Variants in EML6 observed in about 807,000 individuals in gnomAD.
EML6 encodes echinoderm microtubule-associated protein-like 6.
In EML6, 154 loss-of-function variants were observed where a neutral mutation model predicts 240.1. The ratio of observed to expected loss-of-function variants is 0.64; its 90% confidence interval spans 0.56 to 0.73. The LOEUF (loss-of-function observed/expected upper bound fraction) is 0.73, where lower values mean the gene tolerates loss of function less well. Ranked by LOEUF, EML6 falls within the 30% of genes least tolerant of loss-of-function variation. The pLI is 0.00. For missense variants in EML6, 2,964 were observed against 2,474.6 expected (o/e 1.20, Z -4.20); for synonymous variants, 1,148 against 899.0 (o/e 1.28, Z -4.95).
chr2:54,736,971 A>C (rs1486248018), intron 2 of EML6, among the ~76,000 whole-genome samples: 3 of 152,196 alleles, frequency 2.0e-5, no homozygotes, highest in African/African-American at 7.2e-5. Context: ...AGATTGAGGG[A>C]ATGTCCAGGT....
At chr2:54,907,392 A>G (rs1256471106) in intron 24 of EML6, among the ~76,000 whole-genome samples, 1 of 152,168 alleles carries the variant, frequency 6.6e-6, no homozygotes, top group Non-Finnish European at 1.5e-5. Flanking sequence ...CTGTAATCCC[A>G]GCTACTTGGG....
At chr2:54,948,607 G>A (rs919457964) in intron 28 of EML6, among the ~76,000 whole-genome samples, 1 of 152,192 alleles carries the variant, frequency 6.6e-6, no homozygotes, top group Non-Finnish European at 1.5e-5. Context: ...TGCTCCCCCT[G>A]CTCCCAGGAG....
In EML6 at chr2:54,970,071, T is replaced by C. The variant is rs745452727; in HGVS notation, c.5853T>C (p.Ser1951=). The change falls in exon 42 of 42, where the codon AGT becomes AGC. Residue 1951 remains serine, a splice_region_variant and synonymous_variant. Transcript: ENST00000356458. ...ATGACTGTTTGATCTGCCTTTTCAG[T>C]GTATTTGTGTGGCGATGTCTGTAAA... The part of the protein sequence containing the change: ...YVVSTGGDDC[S]VFVWRCL 6 of 1,551,656 alleles carry C rather than the reference T, an allele frequency of 3.9e-6. No individual in the cohort carries two copies. Among genetic ancestry groups the C allele is most frequent in the South Asian group, 3.6e-5 (3 of 84,054 alleles).
At chr2:54,815,908 C>T (rs1467940549) in intron 3 of EML6, among the ~76,000 whole-genome samples, 2 of 152,250 alleles carry the variant, frequency 1.3e-5, no homozygotes, top group South Asian at 2.1e-4. Context: ...TTTTTAAAAC[C>T]CCTTTAATTT....
chr2:54,964,644 G>C lies in EML6; in HGVS notation c.5404G>C (p.Gly1802Arg), dbSNP rs745700356. ...HTVDFYDLTQ[G>R]TNLNRIGYCK... Reference sequence around the variant, plus strand: ...AGTTGACTTCTATGACCTCACTCAGGGCACAAATCTGAACCGCATTGGCTA... The same window carrying C: ...AGTTGACTTCTATGACCTCACTCAGCGCACAAATCTGAACCGCATTGGCTA... Residue 1802 changes from glycine to arginine, a missense_variant, in exon 38 of 42, where the codon GGC (glycine) becomes CGC (arginine). Transcript: ENST00000356458. 1.3e-5 allele frequency: 20 copies of C among 1,552,326 alleles called. No homozygotes were observed. Among genetic ancestry groups the C allele is most frequent in the Non-Finnish European group, 1.7e-5 (20 of 1,147,124 alleles).
chr2:54,787,603 C>G (rs1385354353), intron 2 of EML6, among the ~76,000 whole-genome samples: 6 of 152,146 alleles, frequency 3.9e-5, no homozygotes, highest in African/African-American at 1.4e-4. Context: ...TAAATAGTAG[C>G]TAATGTCACT....
rs948253831 is a variant in EML6 at position 54,949,065 on chromosome 2, G to C, written c.4083+105G>C. On this transcript the variant is annotated intron_variant, in intron 29 of 41. Transcript: ENST00000356458. Reference sequence around the variant, plus strand: ...AGACACAGTCAAATGAAACGGAGTAGGTCCCTTGGGCTCTCTTTTGTCCCC... The same window carrying C: ...AGACACAGTCAAATGAAACGGAGTACGTCCCTTGGGCTCTCTTTTGTCCCC... The C allele has an allele frequency of 1.1e-4, 95 of 839,746 alleles. No individual in the cohort carries two copies. In the Admixed American group the frequency reaches 1.9e-3, roughly 17 times the overall value. 52.0% of individuals were successfully genotyped at this position (839,746 alleles called of 1,614,324 possible). A position where few individuals can be genotyped will look rare whatever the true frequency, so the allele number is the denominator to read the frequency against.
chr2:54,816,795 C>G lies in EML6; in HGVS notation c.366C>G (p.Ala122=). ...ATTGTTCTTATTCTTAGCGTTTAGC[C>G]TCTGTGGGGTTGGATGCCAAAAACA... ...LAFDSDGQRL[A]SVGLDAKNTV... The change falls in exon 4 of 42, where the codon GCC becomes GCG. Residue 122 remains alanine (A), a synonymous_variant. Coordinates refer to ENST00000356458, the MANE Select transcript of EML6 (RefSeq NM_001039753.4). The G allele has an allele frequency of 6.4e-7, 1 of 1,550,596 alleles. No individual in the cohort carries two copies. Among genetic ancestry groups the G allele is most frequent in the Non-Finnish European group, 8.7e-7 (1 of 1,146,082 alleles).
chr2:54,947,376 T>C (rs1322093006), intron 28 of EML6, among the ~76,000 whole-genome samples: 1 of 152,208 alleles, frequency 6.6e-6, no homozygotes, highest in Non-Finnish European at 1.5e-5. Flanking sequence ...AGAGATGTGC[T>C]GTCTACCCAT....
intron 17 of EML6, among the ~76,000 whole-genome samples, chr2:54,888,638 C>T (rs186479068): frequency 8.8e-4 from 134 of 152,204 alleles, no homozygotes; most frequent in Non-Finnish European, 1.4e-3. Flanking sequence ...TTCTGATTGG[C>T]TTCTTTTACT....
intron 25 of EML6, among the ~76,000 whole-genome samples, chr2:54,913,972 G>A (rs1269947427): frequency 1.3e-5 from 2 of 152,154 alleles, no homozygotes; most frequent in Non-Finnish European, 1.5e-5. Flanking sequence ...GGCTACAGGT[G>A]TGCAGCTTTA....
chr2:54,934,430 T>C lies in EML6; in HGVS notation c.4004+5679T>C, dbSNP rs185941291. Among the ~76,000 whole-genome samples the C allele has an allele frequency of 2.9e-3, 443 of 152,244 alleles. 3 individuals are homozygous for C. The highest frequency in any genetic ancestry group is 9.3e-3 in the African/African-American group (388 of 41,544). On this transcript the variant is annotated intron_variant, in intron 28 of 41. Coordinates refer to ENST00000356458, the MANE Select transcript of EML6 (RefSeq NM_001039753.4). ...CTTTGCTTGAGGGAAGGTCAATTTTTAGACATCTGCCAGGAGACCCACATT... is the reference window on the plus strand; with the variant it reads ...CTTTGCTTGAGGGAAGGTCAATTTTCAGACATCTGCCAGGAGACCCACATT...
At chr2:54,898,879 T>C (rs1489720102) in intron 21 of EML6, among the ~76,000 whole-genome samples, 1 of 152,250 alleles carries the variant, frequency 6.6e-6, no homozygotes, top group Non-Finnish European at 1.5e-5. Context: ...CAAATTCATT[T>C]TCTCCCTGTT....
intron 12 of EML6, among the ~76,000 whole-genome samples, chr2:54,863,050 CTT>C (rs1253574687): frequency 1.3e-5 from 2 of 152,136 alleles, no homozygotes; most frequent in Non-Finnish European, 2.9e-5. Context: ...TGTATGTAGT[CTT>C]TTCATTTATC....
chr2:54,951,430 A>G (rs7592371), intron 30 of EML6, among the ~76,000 whole-genome samples: 96,601 of 151,888 alleles, frequency 0.64, 34,678 homozygotes, highest in Non-Finnish European at 0.81. Flanking sequence ...CTACTCAGGA[A>G]GCTGAGGCAG....
chr2:54,947,918 GA>G (rs1675769490), intron 28 of EML6, among the ~76,000 whole-genome samples: 1 of 152,196 alleles, frequency 6.6e-6, no homozygotes, highest in Non-Finnish European at 1.5e-5. Flanking sequence ...TGTTCACTTG[GA>G]AAATGCTTGT....
In EML6 at chr2:54,816,821, C is replaced by T. The variant is rs755360982; in HGVS notation, c.392C>T (p.Thr131Ile). The T allele has an allele frequency of 1.3e-6, 2 of 1,551,512 alleles. No individual in the cohort carries two copies. Among genetic ancestry groups the T allele is most frequent in the South Asian group, 2.4e-5 (2 of 84,062 alleles). Residue 131 changes from threonine to isoleucine, a missense_variant, in exon 4 of 42, where the codon ACA (threonine) becomes ATA (isoleucine). Thr to Ile is a moderately conservative substitution (Grantham distance 89, BLOSUM62 -1). Transcript: ENST00000356458. The stretch of plus-strand genomic sequence containing the variant: ...TCTGTGGGGTTGGATGCCAAAAACA[C>T]AGTCTGCATTTGGGACTGGAGGAAG... ...LASVGLDAKN[T>I]VCIWDWRKGK...
rs1314274327 is a variant in EML6, at chr2:54,954,123, G to A, written c.4453G>A (p.Glu1485Lys). Residue 1485 changes from glutamate to lysine, a missense_variant, in exon 32 of 42, where the codon GAG (glutamate) becomes AAG (lysine). Transcript: ENST00000356458. ...KLLVSVGVDP[E>K]HTITVWRWQE... Reference sequence around the variant, plus strand: ...CCTGGTGTCGGTGGGAGTGGACCCTGAGCACACCATCACTGTCTGGCGATG... The same window carrying A: ...CCTGGTGTCGGTGGGAGTGGACCCTAAGCACACCATCACTGTCTGGCGATG... 1 of 1,551,388 alleles carries A rather than the reference G, an allele frequency of 6.4e-7. No homozygotes were observed. The highest frequency in any genetic ancestry group is 1.4e-5 in the African/African-American group (1 of 72,998).
intron 28 of EML6, among the ~76,000 whole-genome samples, chr2:54,940,641 C>G (rs1382245387): frequency 3.3e-5 from 5 of 152,212 alleles, no homozygotes; most frequent in African/African-American, 9.6e-5. Context: ...AATATTTAAT[C>G]TGTCTTCAAG....
Sources: allele counts gnomAD v4.1 joint callset (sites outside exome capture counted in the v4.1 genomes callset), GRCh38; gene constraint gnomAD v4.1.1; transcripts MANE v1.5; gene names NCBI Gene and HGNC (gene_info 2026-07-23, HGNC 2026-07-21).